KCNT2: variants seen among roughly 807,000 people sequenced by gnomAD.
The protein encoded by KCNT2 is potassium sodium-activated channel subfamily T member 2.
In KCNT2, 67 loss-of-function variants were observed where a neutral mutation model predicts 153.8. The observed-to-expected ratio is 0.44, with a 90% CI of 0.36 to 0.53. The LOEUF (loss-of-function observed/expected upper bound fraction) is 0.53. KCNT2 is among the 20% of genes least tolerant of loss of function. The pLI, the probability that KCNT2 is intolerant of heterozygous loss-of-function variation, is 0.00. For synonymous variants in KCNT2, 500 were observed against 458.8 expected (o/e 1.09, Z -1.15); for missense variants, 975 against 1,354.8 (o/e 0.72, Z 4.40).
Position 196,258,268 on chromosome 1 carries a change from C to T in KCNT2, c.3137G>A (p.Arg1046Lys). Residue 1046 changes from arginine to lysine, a missense_variant, in exon 26 of 28, where the codon AGG becomes AAG. By Grantham distance (26) the Arg-to-Lys change is conservative (BLOSUM62 2). Around this residue, in one of 6 missense-constraint regions of KCNT2, gnomAD observed 241 missense variants for 271.1 expected, o/e 0.89. Coordinates refer to ENST00000294725, the MANE Select transcript of KCNT2 (RefSeq NM_198503.5). Reference protein sequence around the residue: ...ITQQRLNLYRRSERQELAELV... With the variant: ...ITQQRLNLYRKSERQELAELV... The stretch of plus-strand genomic sequence containing the variant: ...TTCAGCAAGCTCTTGTCTTTCTGAC[C>T]TCCTGTAGAGGTTCAGTCGCTGCTG... 6.2e-7 allele frequency: 1 copy of T among 1,614,048 alleles called. No individual in the cohort carries two copies. Among genetic ancestry groups the T allele is most frequent in the Non-Finnish European group, 8.5e-7 (1 of 1,179,972 alleles).
chr1:196,367,328 T>C (rs114099188), intron 14 of KCNT2, among the ~76,000 whole-genome samples: 2,674 of 152,240 alleles, frequency 0.018, 71 homozygotes, highest in African/African-American at 0.061. Context: ...TTAATGACTG[T>C]CAATGACCTT....
chr1:196,308,814 A>C (rs1661879327), intron 21 of KCNT2, among the ~76,000 whole-genome samples: 2 of 152,012 alleles, frequency 1.3e-5, no homozygotes, highest in Non-Finnish European at 2.9e-5. Flanking sequence ...ATCCAAATAA[A>C]ATAAATTATT....
chr1:196,314,315 T>A (rs1003577392), intron 21 of KCNT2, among the ~76,000 whole-genome samples: 2 of 151,576 alleles, frequency 1.3e-5, no homozygotes, highest in Non-Finnish European at 3.0e-5. Flanking sequence ...AAAGCATGAT[T>A]TTTACCCTAC....
rs546692624 is a variant in KCNT2, at chr1:196,338,019, C to T, written c.1783+2322G>A. On this transcript the variant is annotated intron_variant, in intron 16 of 27. Coordinates refer to ENST00000294725, the MANE Select transcript of KCNT2 (RefSeq NM_198503.5). ...TACTCAATAAATACTATTTTGGGTA[C>T]ATATTAGGCACACAATAAGTACTTT... Among the ~76,000 whole-genome samples, 10 of 152,000 alleles carry T rather than the reference C, an allele frequency of 6.6e-5. No homozygotes were observed. The South Asian group carries it at 1.2e-3, about 19-fold the overall frequency.
chr1:196,274,278 C>T (rs546290802), intron 25 of KCNT2, among the ~76,000 whole-genome samples: 70 of 151,606 alleles, frequency 4.6e-4, no homozygotes, highest in African/African-American at 1.6e-3. Flanking sequence ...GTGGAAGTAA[C>T]ATTTTCAAGT....
chr1:196,603,662 C>A (rs535695273), intron 1 of KCNT2, among the ~76,000 whole-genome samples: 141 of 152,310 alleles, frequency 9.3e-4, no homozygotes, highest in African/African-American at 3.1e-3. Context: ...TGAATTACTT[C>A]TAAAGGCCAC....
At chr1:196,456,944 G>A (rs549188120) in intron 8 of KCNT2, among the ~76,000 whole-genome samples, 5 of 151,962 alleles carry the variant, frequency 3.3e-5, no homozygotes, top group African/African-American at 7.2e-5. Flanking sequence ...AAGGTACAAC[G>A]GTTGGTCTTA....
Position 196,326,744 on chromosome 1 carries a change from T to A in KCNT2, c.2249A>T (p.Asn750Ile), listed in dbSNP as rs1212384684. The A allele has an allele frequency of 6.5e-7, 1 of 1,549,348 alleles. No homozygotes were observed. Residue 750 changes from asparagine (N) to isoleucine (I), a missense_variant, in exon 19 of 28, where the codon AAT (asparagine) becomes ATT (isoleucine). Around this residue, in one of 6 missense-constraint regions of KCNT2, gnomAD observed 325 missense variants for 388.1 expected, o/e 0.84. Coordinates refer to ENST00000294725, the MANE Select transcript of KCNT2 (RefSeq NM_198503.5). Reference sequence around the variant, plus strand: ...GTTATCCAATAGCAGTACTATGGGATTAAGTTCTTTCTTTGGTCTATAATA... The same window carrying A: ...GTTATCCAATAGCAGTACTATGGGAATAAGTTCTTTCTTTGGTCTATAATA... ...RAYYRPKKEL[N>I]PIVLLLDNPP... is the part of the protein sequence containing the mutation.
intron 25 of KCNT2, among the ~76,000 whole-genome samples, chr1:196,267,625 T>TG (rs1170832743): frequency 3.9e-5 from 6 of 152,150 alleles, no homozygotes; most frequent in Admixed American, 6.6e-5. Flanking sequence ...GTGGTGCTCG[T>TG]GGGCTTCTGG....
At chr1:196,282,471 T>C in intron 23 of KCNT2, 115 bp from the exon 24 acceptor site, 1 of 559,244 alleles carries the variant, frequency 1.8e-6, no homozygotes. Flanking sequence ...ATTTCTCATA[T>C]CACATTTTTA....
intron 27 of KCNT2, among the ~76,000 whole-genome samples, chr1:196,235,408 T>G (rs1003494864): frequency 1.3e-5 from 2 of 151,506 alleles, no homozygotes; most frequent in African/African-American, 4.8e-5. Flanking sequence ...GCTTAGTTTA[T>G]TAGTGACAAA....
intron 18 of KCNT2, among the ~76,000 whole-genome samples, chr1:196,327,193 A>G (rs1231086552): frequency 6.6e-6 from 1 of 152,106 alleles, no homozygotes; most frequent in East Asian, 1.9e-4. Context: ...CCAGGTATAC[A>G]CTTTTACAAA....
At chr1:196,400,678 C>G (rs1427068122) in intron 12 of KCNT2, among the ~76,000 whole-genome samples, 1 of 151,524 alleles carries the variant, frequency 6.6e-6, no homozygotes, top group Non-Finnish European at 1.5e-5. Flanking sequence ...TCTGCTGACA[C>G]CAGCAAGAAA....
intron 16 of KCNT2, among the ~76,000 whole-genome samples, 178 bp from the exon 17 acceptor site, chr1:196,334,238 A>C (rs1248801112): frequency 6.6e-6 from 1 of 152,100 alleles, no homozygotes; most frequent in Non-Finnish European, 1.5e-5. Context: ...TTTTGCACAC[A>C]GGCATTTTCC....
In KCNT2 at chr1:196,390,461, A is replaced by G. The variant is rs1352820366; in HGVS notation, c.1294+8102T>C. On this transcript the variant is annotated intron_variant, in intron 13 of 27. Transcript: ENST00000294725. ...CTGCAGTCAGCTGATTTTTAAGTCT[A>G]CAGAAAATATATGGAATGTTTTACG... Among the ~76,000 whole-genome samples the G allele has an allele frequency of 2.0e-5, 3 of 151,496 alleles. No individual in the cohort carries two copies. In the East Asian group the frequency reaches 5.8e-4, roughly 29 times the overall value.
At chr1:196,450,011 G>T (rs933245819) in intron 8 of KCNT2, among the ~76,000 whole-genome samples, 24 of 151,628 alleles carry the variant, frequency 1.6e-4, no homozygotes. Context: ...TATAGAAAGG[G>T]CTGTGTTTGA....
intron 14 of KCNT2, among the ~76,000 whole-genome samples, chr1:196,363,391 T>C (rs1441951264): frequency 2.0e-5 from 3 of 152,046 alleles, no homozygotes. Flanking sequence ...AATCAACCAA[T>C]ACTCCAAGGA....
chr1:196,317,199 G>A, intron 20 of KCNT2: 2 of 448,224 alleles, frequency 4.5e-6, no homozygotes, highest in Admixed American at 4.7e-5. Flanking sequence ...AAGATCCCCA[G>A]GAGTAGTCCA....
intron 13 of KCNT2, among the ~76,000 whole-genome samples, chr1:196,379,082 ACT>A (rs1669230093): frequency 6.6e-6 from 1 of 151,864 alleles, no homozygotes; most frequent in Non-Finnish European, 1.5e-5. Flanking sequence ...AAATGGATAA[ACT>A]CTGGATTACT....
Sources: gnomAD v4.1 joint callset for allele counts (sites outside exome capture counted in the v4.1 genomes callset) on GRCh38, gnomAD v4.1.1 for gene constraint, gnomAD v4.1.1 regional missense constraint, MANE v1.5 for transcripts, NCBI Gene and HGNC (gene_info 2026-07-23, HGNC 2026-07-21) for gene names.